The following ELAVL2 variants were observed in gnomAD, a reference collection of about 807,000 sequenced individuals.
ELAVL2 encodes the protein ELAV-like protein 2.
A neutral mutation model predicts 34.6 loss-of-function variants in ELAVL2; 4 were observed. The ratio of observed to expected loss-of-function variants is 0.12; its 90% CI spans 0.06 to 0.26. ELAVL2 has a LOEUF of 0.26. Ranked by LOEUF, ELAVL2 falls within the 10% of genes least tolerant of loss-of-function variation. The pLI is 1.00. For missense variants in ELAVL2, 432 were observed against 442.8 expected, an observed-to-expected ratio of 0.98 and a Z score of 0.22; for synonymous variants, 193 against 154.8, an observed-to-expected ratio of 1.25 and a Z score of -1.83.
intron 1 of ELAVL2, among the ~76,000 whole-genome samples, chr9:23,814,161 C>G (rs139511069): frequency 2.1e-4 from 32 of 152,290 alleles, no homozygotes; most frequent in African/African-American, 7.7e-4. Flanking sequence ...ATGAAGCTCA[C>G]GGATCACCCT....
rs1013996166 is a variant in ELAVL2 at position 23,691,189 on chromosome 9, G to A, written c.*1368C>T. ...CAAGACCTCAAGTAACAATGTTAAT[G>A]CCATTTACAAAGGAAAAAACTGATA... On this transcript the variant is annotated 3_prime_UTR_variant, in exon 7 of 7. Coordinates refer to ENST00000397312, the MANE Select transcript of ELAVL2 (RefSeq NM_004432.5). 2.2e-4 allele frequency: 33 copies of A among 152,566 alleles called. No individual in the cohort carries two copies. Among genetic ancestry groups the A allele is most frequent in the African/African-American group, 7.0e-4 (29 of 41,506 alleles). 9.5% of individuals were successfully genotyped at this position (152,566 alleles called of 1,614,324 possible).
At chr9:23,793,858 T>C (rs1350139964) in intron 1 of ELAVL2, among the ~76,000 whole-genome samples, 1 of 152,196 alleles carries the variant, frequency 6.6e-6, no homozygotes, top group East Asian at 1.9e-4. Context: ...TTTACACGCA[T>C]GCTCTTCATT....
chr9:23,803,222 C>CT (rs1425607593), intron 1 of ELAVL2, among the ~76,000 whole-genome samples: 2 of 152,182 alleles, frequency 1.3e-5, no homozygotes, highest in Non-Finnish European at 2.9e-5. Context: ...AAACGTGAAT[C>CT]ATCTCAACTG....
At chr9:23,820,424 C>A (rs1219959857) in intron 1 of ELAVL2, among the ~76,000 whole-genome samples, 2 of 152,156 alleles carry the variant, frequency 1.3e-5, no homozygotes, top group African/African-American at 2.4e-5. Flanking sequence ...GGAGAGTGGA[C>A]AACTCGTAGC....
the ELAVL2 span, among the ~76,000 whole-genome samples, chr9:23,835,507 T>C: frequency 6.6e-6 from 1 of 152,164 alleles, no homozygotes; most frequent in African/African-American, 2.4e-5. Context: ...GTTTTCTATT[T>C]AGATTGTGCT....
chr9:23,723,823 C>A (rs150530537), intron 3 of ELAVL2, among the ~76,000 whole-genome samples: 175 of 152,212 alleles, frequency 1.1e-3, no homozygotes, highest in African/African-American at 4.1e-3. Flanking sequence ...ACTCAAATTT[C>A]TGATAAACAG....
chr9:23,785,982 T>C (rs1364038607), intron 1 of ELAVL2, among the ~76,000 whole-genome samples: 1 of 152,214 alleles, frequency 6.6e-6, no homozygotes, highest in Non-Finnish European at 1.5e-5. Flanking sequence ...AGTGATCTAC[T>C]GCAAGAACAG....
chr9:23,828,994 G>A (rs2065416152), upstream of ELAVL2, among the ~76,000 whole-genome samples: 1 of 152,082 alleles, frequency 6.6e-6, no homozygotes, highest in African/African-American at 2.4e-5. Context: ...TCTCACTTAA[G>A]AATAAGCAAA....
chr9:23,784,453 C>G (rs1199744636), intron 1 of ELAVL2, among the ~76,000 whole-genome samples: 1 of 152,068 alleles, frequency 6.6e-6, no homozygotes, highest in Non-Finnish European at 1.5e-5. Context: ...ATATGTAATA[C>G]TTGGTCTTTG....
chr9:23,800,693 T>G (rs542641506), intron 1 of ELAVL2, among the ~76,000 whole-genome samples: 1 of 152,184 alleles, frequency 6.6e-6, no homozygotes, highest in East Asian at 1.9e-4. Context: ...ATCTACAAAA[T>G]TAGAAAATTT....
At chr9:23,796,271 C>T (rs761397657) in intron 1 of ELAVL2, among the ~76,000 whole-genome samples, 6 of 152,210 alleles carry the variant, frequency 3.9e-5, no homozygotes, top group Admixed American at 6.5e-5. Flanking sequence ...AATGTGGAAG[C>T]TTATTACATA....
At chr9:23,842,422 C>A in the ELAVL2 span, among the ~76,000 whole-genome samples, 1 of 152,038 alleles carries the variant, frequency 6.6e-6, no homozygotes, top group African/African-American at 2.4e-5. Context: ...AGATAGTCTC[C>A]CTGTTGCAGA....
chr9:23,747,675 T>G (rs926263522), intron 2 of ELAVL2, among the ~76,000 whole-genome samples: 2 of 152,190 alleles, frequency 1.3e-5, no homozygotes, highest in African/African-American at 4.8e-5. Flanking sequence ...GGGATAAGTC[T>G]ACACAAAGCT....
chr9:23,790,073 A>C (rs1026631572), intron 1 of ELAVL2, among the ~76,000 whole-genome samples: 7 of 152,118 alleles, frequency 4.6e-5, no homozygotes, highest in Non-Finnish European at 1.0e-4. Flanking sequence ...AAGGGGAAAA[A>C]AAAAAAACAA....
intron 3 of ELAVL2, among the ~76,000 whole-genome samples, chr9:23,719,914 CTCCCGGGT>C (rs931956006): frequency 6.6e-6 from 1 of 151,394 alleles, no homozygotes; most frequent in African/African-American, 2.4e-5. Context: ...CAACTTCCGC[CTCCCGGGT>C]TCAAGGGATT....
chr9:23,836,407 A>C, the ELAVL2 span, among the ~76,000 whole-genome samples: 8 of 152,174 alleles, frequency 5.3e-5, no homozygotes, highest in Non-Finnish European at 1.0e-4. Flanking sequence ...AACAATAAAA[A>C]ACTTTCTTTT....
chr9:23,783,875 T>G (rs2059373728), intron 1 of ELAVL2, among the ~76,000 whole-genome samples: 1 of 152,154 alleles, frequency 6.6e-6, no homozygotes, highest in Non-Finnish European at 1.5e-5. Flanking sequence ...AAGGGCAAAG[T>G]ACACATAGTT....
intron 3 of ELAVL2, among the ~76,000 whole-genome samples, chr9:23,706,231 C>T (rs2039288740): frequency 6.6e-6 from 1 of 152,082 alleles, no homozygotes; most frequent in Admixed American, 6.6e-5. Context: ...GGACGAAAGA[C>T]AAAATAGGTC....
chr9:23,707,612 G>C (rs939797796), intron 3 of ELAVL2, among the ~76,000 whole-genome samples: 3 of 152,136 alleles, frequency 2.0e-5, no homozygotes, highest in Non-Finnish European at 2.9e-5. Flanking sequence ...TGTGGTTAAA[G>C]GTAACAGCTA....
Sources: allele counts gnomAD v4.1 joint callset (sites outside exome capture counted in the v4.1 genomes callset), GRCh38; gene constraint gnomAD v4.1.1; transcripts MANE v1.5; gene names NCBI Gene and HGNC (gene_info 2026-07-23, HGNC 2026-07-21).